The following FARP1 variants were observed in gnomAD, a reference collection of about 807,000 sequenced individuals.
FARP1 encodes FERM, ARHGEF and pleckstrin domain-containing protein 1.
A neutral mutation model predicts 128.8 loss-of-function variants in FARP1; 52 were observed. The ratio of observed to expected loss-of-function variants is 0.40; its 90% confidence interval spans 0.32 to 0.51. The LOEUF is 0.51. FARP1 is among the 20% of genes least tolerant of loss of function. The pLI, the probability that FARP1 is intolerant of heterozygous loss-of-function variation, is 0.45. For synonymous variants in FARP1, 580 were observed against 551.8 expected (o/e 1.05, Z -0.72); for missense variants, 1,333 against 1,367.9 (o/e 0.97, Z 0.40).
At chr13:98,359,546 A>G (rs1594442815) in intron 3 of FARP1, among the ~76,000 whole-genome samples, 1 of 151,974 alleles carries the variant, frequency 6.6e-6, no homozygotes, top group Non-Finnish European at 1.5e-5. Context: ...ATCTCCTCTC[A>G]CCTCCGAGTA....
Position 98,448,356 on chromosome 13 carries a change from G to A in FARP1, c.*39G>A, listed in dbSNP as rs770428091. 8 of 1,467,380 alleles carry A rather than the reference G, an allele frequency of 5.5e-6. No homozygotes were observed. In the South Asian group the frequency reaches 6.8e-5, roughly 13 times the overall value. The allele number at this position is 1,467,380 out of a possible 1,614,324, so 90.9% of individuals were successfully genotyped here. A position where few individuals can be genotyped will look rare whatever the true frequency, so the allele number is the denominator to read the frequency against. On this transcript the variant is annotated 3_prime_UTR_variant, in exon 27 of 27. Coordinates refer to ENST00000319562, the MANE Select transcript of FARP1 (RefSeq NM_005766.4). Reference sequence around the variant, plus strand: ...TCGTTTCCGCAGTGGCTGCTTTCCTGGAAGACGTTTCCTTTCTTCTGTATT... The same window carrying A: ...TCGTTTCCGCAGTGGCTGCTTTCCTAGAAGACGTTTCCTTTCTTCTGTATT...
At position 98,252,520 on chromosome 13, in the gene FARP1, C is replaced by T. The variant is rs1423938468; in HGVS notation, c.171+39107C>T. ...ACCTCAAAGACAAGCCAACAATGGC[C>T]CAGCTAATGGACAGGAGTGCCCTGG... On this transcript the variant is annotated intron_variant, in intron 2 of 26. Coordinates refer to ENST00000319562, the MANE Select transcript of FARP1 (RefSeq NM_005766.4). Among the ~76,000 whole-genome samples, 4 of 152,282 alleles carry T rather than the reference C, an allele frequency of 2.6e-5. No individual in the cohort carries two copies. The East Asian group carries it at 5.8e-4, about 22-fold the overall frequency.
At chr13:98,180,792 A>T (rs11620376) in intron 1 of FARP1, among the ~76,000 whole-genome samples, 3 of 152,072 alleles carry the variant, frequency 2.0e-5, no homozygotes, top group Non-Finnish European at 4.4e-5. Context: ...GCCTGAGTGC[A>T]GTCTGCTGTG....
intron 2 of FARP1, among the ~76,000 whole-genome samples, chr13:98,271,850 G>T (rs1884406600): frequency 6.6e-6 from 1 of 152,048 alleles, no homozygotes; most frequent in South Asian, 2.1e-4. Context: ...ACTGATTTGG[G>T]TTGCTTCCAA....
chr13:98,373,519 GAGAC>G lies in FARP1; in HGVS notation c.399-4288_399-4285del, dbSNP rs1198336789. Among the ~76,000 whole-genome samples, 29 of 127,276 alleles carry G rather than the reference GAGAC, an allele frequency of 2.3e-4. No individual in the cohort carries two copies. In the South Asian group the frequency reaches 2.5e-3, roughly 11 times the overall value. 83.5% of individuals were successfully genotyped at this position (127,276 alleles called of 152,430 possible). A position where few individuals can be genotyped will look rare whatever the true frequency, so the allele number is the denominator to read the frequency against. ...TGCTTTTCTTCCCTTTGACTTTCCAGAGACAGACAGACAGACACACACACACACA... is the reference window on the plus strand; with the variant it reads ...TGCTTTTCTTCCCTTTGACTTTCCAGAGACAGACAGACACACACACACACA... On this transcript the variant is annotated intron_variant, in intron 5 of 26. Transcript: ENST00000319562.
At chr13:98,240,252 C>T (rs530960412) in intron 2 of FARP1, among the ~76,000 whole-genome samples, 13 of 152,138 alleles carry the variant, frequency 8.5e-5, no homozygotes, top group Non-Finnish European at 1.3e-4. Flanking sequence ...CACGCGATGA[C>T]GAATGAATGA....
chr13:98,381,692 G>C (rs553177847), intron 6 of FARP1: 2 of 152,278 alleles, frequency 1.3e-5, no homozygotes, highest in East Asian at 3.9e-4. Flanking sequence ...CGCGTGGTAA[G>C]GCAGGTTTGT....
At chr13:98,168,701 T>G (rs1877449795) in intron 1 of FARP1, among the ~76,000 whole-genome samples, 1 of 152,098 alleles carries the variant, frequency 6.6e-6, no homozygotes, top group African/African-American at 2.4e-5. Flanking sequence ...GATTTCTGTG[T>G]TTTTTTTCCC....
chr13:98,188,629 A>G (rs1054245512), intron 1 of FARP1, among the ~76,000 whole-genome samples: 2 of 152,134 alleles, frequency 1.3e-5, no homozygotes, highest in African/African-American at 4.8e-5. Context: ...GAAGGCTTAA[A>G]GCGGTGCCCT....
At chr13:98,181,195 C>T (rs1878484206) in intron 1 of FARP1, among the ~76,000 whole-genome samples, 1 of 152,090 alleles carries the variant, frequency 6.6e-6, no homozygotes, top group Admixed American at 6.6e-5. Context: ...CACATGCCTA[C>T]TAAGTGAAGG....
At chr13:98,423,534 G>T (rs1414480363) in intron 16 of FARP1, among the ~76,000 whole-genome samples, 1 of 152,126 alleles carries the variant, frequency 6.6e-6, no homozygotes, top group African/African-American at 2.4e-5. Flanking sequence ...TGTTTTAATT[G>T]TCTCTGGGAA....
At chr13:98,299,207 C>T (rs1885822036) in intron 2 of FARP1, among the ~76,000 whole-genome samples, 1 of 152,210 alleles carries the variant, frequency 6.6e-6, no homozygotes, top group Non-Finnish European at 1.5e-5. Flanking sequence ...TTCTACCATG[C>T]AGAAGTAACC....
At chr13:98,328,848 G>A (rs1328600548) in intron 2 of FARP1, 2 of 152,156 alleles carry the variant, frequency 1.3e-5, no homozygotes, top group Non-Finnish European at 2.9e-5. Flanking sequence ...CAGAGAGGAC[G>A]GCGAGAGATT....
In FARP1 at chr13:98,310,080, G is replaced by GT. The variant is rs35233382; in HGVS notation, c.172-33670dup. On this transcript the variant is annotated intron_variant, in intron 2 of 26. Coordinates refer to ENST00000319562, the MANE Select transcript of FARP1 (RefSeq NM_005766.4). ...TTTTGTTCCACTTAATAGATTACATGTTTTTTTTTTTTCCCATAATAGGCT... is the reference window on the plus strand; with the variant it reads ...TTTTGTTCCACTTAATAGATTACATGTTTTTTTTTTTTTCCCATAATAGGCT... Among the ~76,000 whole-genome samples the GT allele has an allele frequency of 8.8e-3, 1,282 of 146,336 alleles. 12 individuals are homozygous for GT. Among genetic ancestry groups the GT allele is most frequent in the African/African-American group, 0.021 (831 of 39,556 alleles).
At chr13:98,393,494 A>G in intron 11 of FARP1, 149 bp from the exon 12 acceptor site, 2 of 644,392 alleles carry the variant, frequency 3.1e-6, no homozygotes, top group Non-Finnish European at 2.8e-6. Flanking sequence ...TATGTTTCCA[A>G]GTAGCATTTG....
chr13:98,377,165 G>A (rs1889621615), intron 5 of FARP1, among the ~76,000 whole-genome samples: 1 of 151,896 alleles, frequency 6.6e-6, no homozygotes, highest in Non-Finnish European at 1.5e-5. Flanking sequence ...AGCTGGGCGT[G>A]GTGGCGTGCA....
chr13:98,197,509 G>A (rs1486005413), intron 1 of FARP1, among the ~76,000 whole-genome samples: 2 of 152,150 alleles, frequency 1.3e-5, no homozygotes, highest in Non-Finnish European at 2.9e-5. Context: ...ATAGATGTCT[G>A]TGGATGATAA....
chr13:98,383,121 C>A (rs1257054109), intron 6 of FARP1, among the ~76,000 whole-genome samples: 1 of 152,186 alleles, frequency 6.6e-6, no homozygotes, highest in Non-Finnish European at 1.5e-5. Context: ...ATGGCTAATT[C>A]AGTGTTTATG....
intron 2 of FARP1, among the ~76,000 whole-genome samples, chr13:98,273,897 C>T (rs1402666844): frequency 6.6e-6 from 1 of 152,150 alleles, no homozygotes; most frequent in Non-Finnish European, 1.5e-5. Flanking sequence ...TTCTTTCCCC[C>T]ACAAAAGGAA....
Sources: gnomAD v4.1 joint callset for allele counts (sites outside exome capture counted in the v4.1 genomes callset) on GRCh38, gnomAD v4.1.1 for gene constraint, MANE v1.5 for transcripts, NCBI Gene and HGNC (gene_info 2026-07-23, HGNC 2026-07-21) for gene names.